SMOX: variants seen among roughly 807,000 people sequenced by gnomAD.
The protein encoded by SMOX is spermine oxidase, also known as flavin containing amine oxidase.
SMOX carries 22 observed loss-of-function variants against 51.0 expected under a neutral mutation model. That is an observed-to-expected ratio of 0.43 (90% CI 0.31 to 0.62). The LOEUF is 0.62. Among genes scored for constraint, SMOX ranks in the 20% least tolerant of loss-of-function variants. The pLI, the probability that SMOX is intolerant of heterozygous loss-of-function variation, is 0.10. For synonymous variants in SMOX, 282 were observed against 307.8 expected, an observed-to-expected ratio of 0.92 and a Z score of 0.88; for missense variants, 566 against 777.7, an observed-to-expected ratio of 0.73 and a Z score of 3.24.
At position 4,183,579 on chromosome 20, in the gene SMOX, G is replaced by A. The variant is rs751695106; in HGVS notation, c.1455G>A (p.Thr485=). The change falls in exon 6 of 7, where the codon ACG becomes ACA. Residue 485 remains threonine (T), a synonymous_variant. Coordinates refer to ENST00000305958, the MANE Select transcript of SMOX (RefSeq NM_175839.3). The surrounding 1 kb of genome is among the most constrained non-coding windows in gnomAD (Gnocchi z 4.3). ...NPYFRGSYSY[T]QVGSSGADVE... ...ACTTCCGCGGCTCCTATTCATACAC[G>A]CAGGTGGGCTCCAGCGGGGCGGATG... 12 of 1,613,282 alleles carry A rather than the reference G, an allele frequency of 7.4e-6. No individual in the cohort carries two copies. The highest frequency in any genetic ancestry group is 3.3e-5 in the South Asian group (3 of 91,004).
chr20:4,178,963 G>A lies in SMOX; in HGVS notation c.435+1386G>A, dbSNP rs112321225. 4.6e-3 allele frequency among the ~76,000 whole-genome samples: 700 copies of A among 152,272 alleles called. 7 individuals carry two copies. The highest frequency in any genetic ancestry group is 0.016 in the African/African-American group (655 of 41,546). On this transcript the variant is annotated intron_variant, in intron 3 of 6. Transcript: ENST00000305958. The stretch of plus-strand genomic sequence containing the variant: ...CTCCCAAAGTGCTGGGATTACAAGC[G>A]TGAGCCACCTCGCCCAGCCTATTGT...
At position 4,181,316 on chromosome 20, in the gene SMOX, G is replaced by A. The variant is rs1334891401; in HGVS notation, c.436-487G>A. 6.6e-6 allele frequency among the ~76,000 whole-genome samples: 1 copy of A among 152,188 alleles called. No individual in the cohort carries two copies. The highest frequency in any genetic ancestry group is 1.5e-5 in the Non-Finnish European group (1 of 68,038). On this transcript the variant is annotated intron_variant, in intron 3 of 6. Coordinates refer to ENST00000305958, the MANE Select transcript of SMOX (RefSeq NM_175839.3). This position sits in a 1 kb window ranked among gnomAD's most constrained non-coding sequence, Gnocchi z 5.6. Reference sequence around the variant, plus strand: ...CCAGGGAGGTGTCTCCAGTCGTCAGGGGCCCTTCTGCTGGCCAGGCCACAG... The same window carrying A: ...CCAGGGAGGTGTCTCCAGTCGTCAGAGGCCCTTCTGCTGGCCAGGCCACAG...
chr20:4,164,223 G>GA (rs1986455642), intron 1 of SMOX, among the ~76,000 whole-genome samples: 1 of 152,144 alleles, frequency 6.6e-6, no homozygotes, highest in Non-Finnish European at 1.5e-5. Context: ...GGGGATCTGT[G>GA]ATCTGTCTAC....
At chr20:4,161,015 G>A (rs552847284) in intron 1 of SMOX, among the ~76,000 whole-genome samples, 4 of 152,210 alleles carry the variant, frequency 2.6e-5, no homozygotes, top group South Asian at 2.1e-4. Flanking sequence ...AACTGCGCCC[G>A]GCTGAGCTCA....
intron 1 of SMOX, among the ~76,000 whole-genome samples, chr20:4,168,560 CT>C (rs543089733): frequency 0.068 from 9,798 of 144,584 alleles, 349 homozygotes; most frequent in Middle Eastern, 0.11. Context: ...CTCTCTCTCT[CT>C]TTTTTTTTTT....
chr20:4,160,666 C>T (rs959708322), intron 1 of SMOX, among the ~76,000 whole-genome samples: 26 of 152,108 alleles, frequency 1.7e-4, no homozygotes, highest in African/African-American at 4.8e-4. Flanking sequence ...TTCCTTTTTT[C>T]GTTTTGTGAT....
intron 6 of SMOX, among the ~76,000 whole-genome samples, chr20:4,185,415 G>T (rs1979656297): frequency 6.6e-6 from 1 of 152,074 alleles, no homozygotes; most frequent in African/African-American, 2.4e-5. Context: ...CAGATTCTCA[G>T]CCTGGCCAAC....
Position 4,183,707 on chromosome 20 carries a change from G to C in SMOX, c.1530+53G>C. On this transcript the variant is annotated intron_variant, in intron 6 of 6. Transcript: ENST00000305958. This position sits in a 1 kb window ranked among gnomAD's most constrained non-coding sequence, Gnocchi z 4.3. ...GGAGTTGTGGGTGTATTTTGTATGTGTGTCCGGTCCAGGGTGAGGAGGGCT... is the reference window on the plus strand; with the variant it reads ...GGAGTTGTGGGTGTATTTTGTATGTCTGTCCGGTCCAGGGTGAGGAGGGCT... 1 of 1,523,470 alleles carries C rather than the reference G, an allele frequency of 6.6e-7. No individual in the cohort carries two copies. The highest frequency in any genetic ancestry group is 1.3e-5 in the South Asian group (1 of 76,612). The allele number at this position is 1,523,470 out of a possible 1,614,324, so 94.4% of individuals were successfully genotyped here.
At chr20:4,152,135 G>T (rs548590817) in intron 1 of SMOX, among the ~76,000 whole-genome samples, 1 of 152,190 alleles carries the variant, frequency 6.6e-6, no homozygotes, top group African/African-American at 2.4e-5. Flanking sequence ...GAGGGCAGCC[G>T]GTGGGATGTG....
intron 2 of SMOX, chr20:4,176,001 C>T (rs1600817588): frequency 6.8e-6 from 1 of 146,572 alleles, no homozygotes; most frequent in South Asian, 2.2e-4. Flanking sequence ...TGTGTGGCTA[C>T]ATTGATCCTC....
chr20:4,177,644 C>T lies in SMOX; in HGVS notation c.435+67C>T, dbSNP rs1419840341. The stretch of plus-strand genomic sequence containing the variant: ...GACCTGGGAGGTCTGTGATTCTGGT[C>T]GTGTCTCTGCACACTCCCTGGGCCT... On this transcript the variant is annotated intron_variant, in intron 3 of 6. Coordinates refer to ENST00000305958, the MANE Select transcript of SMOX (RefSeq NM_175839.3). The surrounding 1 kb of genome is among the most constrained non-coding windows in gnomAD (Gnocchi z 4.3). 26 of 1,432,498 alleles carry T rather than the reference C, an allele frequency of 1.8e-5. No individual in the cohort carries two copies. In the East Asian group the frequency reaches 2.0e-4, roughly 11 times the overall value. The allele number at this position is 1,432,498 out of a possible 1,614,324, so 88.7% of individuals were successfully genotyped here.
rs1286644542 is a variant in SMOX, at chr20:4,183,415, G to A, written c.1370-79G>A. 1 of 1,605,250 alleles carries A rather than the reference G, an allele frequency of 6.2e-7. No homozygotes were observed. On this transcript the variant is annotated intron_variant, in intron 5 of 6. Transcript: ENST00000305958. This position sits in a 1 kb window ranked among gnomAD's most constrained non-coding sequence, Gnocchi z 4.3. ...CCGGAGCCCTGGAGGTGGGGTGGGG[G>A]GTTGTCCCTTTGGGGTCATCTTCCA...
At position 4,158,121 on chromosome 20, in the gene SMOX, C is replaced by T. The variant is rs564868236; in HGVS notation, c.-27+9144C>T. ...TTCACCTTGTTAGCCAGGATGGTCT[C>T]GATCTCCTGACCTCGTGATCCGCCC... On this transcript the variant is annotated intron_variant, in intron 1 of 6. Coordinates refer to ENST00000305958, the MANE Select transcript of SMOX (RefSeq NM_175839.3). Among the ~76,000 whole-genome samples, 46 of 150,700 alleles carry T rather than the reference C, an allele frequency of 3.1e-4. 1 individual carries two copies. The highest frequency in any genetic ancestry group is 1.5e-3 in the South Asian group (7 of 4,754).
rs1310128962 is a variant in SMOX at position 4,153,195 on chromosome 20, T to C, written c.-27+4218T>C. Among the ~76,000 whole-genome samples the C allele has an allele frequency of 1.3e-5, 2 of 152,214 alleles. No homozygotes were observed. The highest frequency in any genetic ancestry group is 4.8e-5 in the African/African-American group (2 of 41,466). On this transcript the variant is annotated intron_variant, in intron 1 of 6. Transcript: ENST00000305958. The surrounding 1 kb of genome is among the most constrained non-coding windows in gnomAD (Gnocchi z 4.4). ...CCAATGGGTTGGGCATCACGTACAC[T>C]GTGATTTTGGGGTGCTGGGAAGGTC...
In SMOX at chr20:4,149,169, C is replaced by T. The variant is rs986927518; in HGVS notation, c.-27+192C>T. On this transcript the variant is annotated intron_variant, in intron 1 of 6. Transcript: ENST00000305958. This position sits in a 1 kb window ranked among gnomAD's most constrained non-coding sequence, Gnocchi z 6.0. Reference sequence around the variant, plus strand: ...GGTGCGGGGCGTTCCGGGAGGCTCGCGGGGAGCAGGGGGCGCCGCGCCCCC... The same window carrying T: ...GGTGCGGGGCGTTCCGGGAGGCTCGTGGGGAGCAGGGGGCGCCGCGCCCCC... 6.7e-6 allele frequency among the ~76,000 whole-genome samples: 1 copy of T among 149,126 alleles called. No individual in the cohort carries two copies. Among genetic ancestry groups the T allele is most frequent in the Non-Finnish European group, 1.5e-5 (1 of 66,908 alleles).
Position 4,172,807 on chromosome 20 carries a change from GGGAGGGGGGGTGGT to G in SMOX, c.-26-2216_-26-2203del, listed in dbSNP as rs1425122737. Among the ~76,000 whole-genome samples the G allele has an allele frequency of 7.6e-6, 1 of 131,972 alleles. No homozygotes were observed. The highest frequency in any genetic ancestry group is 1.6e-5 in the Non-Finnish European group (1 of 61,300). 86.6% of individuals were successfully genotyped at this position (131,972 alleles called of 152,430 possible). A position where few individuals can be genotyped will look rare whatever the true frequency, so the allele number is the denominator to read the frequency against. Reference sequence around the variant, plus strand: ...TTTAGGGGCTGGAGGGTGGGTGGGTGGGAGGGGGGGTGGTGGAGGGAGGATTCCCGTCCAGGCCC... The same window carrying G: ...TTTAGGGGCTGGAGGGTGGGTGGGTGGGAGGGAGGATTCCCGTCCAGGCCC... On this transcript the variant is annotated intron_variant, in intron 1 of 6. Coordinates refer to ENST00000305958, the MANE Select transcript of SMOX (RefSeq NM_175839.3). The surrounding 1 kb of genome is among the most constrained non-coding windows in gnomAD (Gnocchi z 7.7).
chr20:4,150,858 T>A (rs904955522), intron 1 of SMOX, among the ~76,000 whole-genome samples: 2 of 131,648 alleles, frequency 1.5e-5, no homozygotes, highest in African/African-American at 5.7e-5. Context: ...TGAGACGGAG[T>A]TTCGCTCTTT....
chr20:4,177,577 G>C lies in SMOX; in HGVS notation c.435G>C (p.Glu145Asp). Residue 145 changes from glutamate (E) to aspartate (D), a missense_variant and splice_region_variant, in exon 3 of 7, where the codon GAG becomes GAC. This residue lies in a region of SMOX where 217 missense variants were observed against 278.4 expected (regional missense o/e 0.78). Transcript: ENST00000305958. This position sits in a 1 kb window ranked among gnomAD's most constrained non-coding sequence, Gnocchi z 4.3. Reference sequence around the variant, plus strand: ...AGGAATTCAGCGATTTATACAACGAGGTAAGGTGTGAGCAGAGTAGCTGGG... The same window carrying C: ...AGGAATTCAGCGATTTATACAACGACGTAAGGTGTGAGCAGAGTAGCTGGG... ...VVEEFSDLYN[E>D]VYNLTQEFFR... The C allele has an allele frequency of 6.3e-7, 1 of 1,581,420 alleles. No homozygotes were observed. Among genetic ancestry groups the C allele is most frequent in the Non-Finnish European group, 8.6e-7 (1 of 1,162,396 alleles).
intron 1 of SMOX, among the ~76,000 whole-genome samples, chr20:4,163,375 A>G (rs1741307): frequency 0.53 from 80,626 of 152,016 alleles, 22,590 homozygotes; most frequent in East Asian, 0.63. Flanking sequence ...CTCCCTGCCC[A>G]CTTCATCCTA....
Sources: gnomAD v4.1 joint callset for allele counts (sites outside exome capture counted in the v4.1 genomes callset) on GRCh38, gnomAD v4.1.1 for gene constraint, gnomAD v4.1.1 regional missense constraint, Gnocchi (gnomAD v3.1) non-coding constraint, MANE v1.5 for transcripts, NCBI Gene and HGNC (gene_info 2026-07-23, HGNC 2026-07-21) for gene names.